Variants in NCAM1 observed in about 807,000 individuals in gnomAD.
NCAM1 encodes antigen recognized by monoclonal antibody 5.1H11.
Under a neutral mutation model 109.8 loss-of-function variants are expected in NCAM1, and 14 were observed. That is an observed-to-expected ratio of 0.13 (90% CI 0.08 to 0.20). The LOEUF (loss-of-function observed/expected upper bound fraction) is 0.20. Ranked by LOEUF, NCAM1 falls within the 10% of genes least tolerant of loss-of-function variation. The probability of loss-of-function intolerance (pLI) is 1.00; values close to 1 mark genes in which losing one functional copy is unlikely to be tolerated. For synonymous variants in NCAM1, 418 were observed against 442.9 expected, an observed-to-expected ratio of 0.94 and a Z score of 0.70; for missense variants, 774 against 1,109.9, an observed-to-expected ratio of 0.70 and a Z score of 4.30.
At chr11:113,266,270 C>T (rs782555944) in intron 17 of NCAM1, among the ~76,000 whole-genome samples, 2 of 152,194 alleles carry the variant, frequency 1.3e-5, no homozygotes, top group Admixed American at 1.3e-4. Flanking sequence ...ACCCTGCTGC[C>T]CATTTCACAG....
At chr11:113,186,115 C>G (rs1337020656) in intron 1 of NCAM1, among the ~76,000 whole-genome samples, 1 of 152,202 alleles carries the variant, frequency 6.6e-6, no homozygotes, top group Non-Finnish European at 1.5e-5. Context: ...ACAGTCCTTA[C>G]AAAGTTCAGT....
intron 1 of NCAM1, among the ~76,000 whole-genome samples, chr11:113,157,433 C>T (rs1168320758): frequency 6.6e-6 from 1 of 152,162 alleles, no homozygotes; most frequent in Non-Finnish European, 1.5e-5. Flanking sequence ...TCAATGCATT[C>T]TTCTGTCCTC....
At chr11:113,170,549 G>A (rs79128226) in intron 1 of NCAM1, among the ~76,000 whole-genome samples, 24 of 152,334 alleles carry the variant, frequency 1.6e-4, no homozygotes, top group Non-Finnish European at 3.2e-4. Context: ...AAAGGCTATG[G>A]AGAATTGTGT....
chr11:113,010,198 G>T (rs753572233), intron 1 of NCAM1, among the ~76,000 whole-genome samples: 4 of 152,132 alleles, frequency 2.6e-5, no homozygotes, highest in Non-Finnish European at 5.9e-5. Context: ...CATGTCTTTG[G>T]CTATGATATG....
chr11:113,069,055 G>T (rs1398521767), intron 1 of NCAM1, among the ~76,000 whole-genome samples: 1 of 152,110 alleles, frequency 6.6e-6, no homozygotes, highest in Admixed American at 6.6e-5. Context: ...TTTAATGATT[G>T]CCTCCTATGT....
At chr11:113,083,977 G>A (rs1455735298) in intron 1 of NCAM1, among the ~76,000 whole-genome samples, 5 of 152,156 alleles carry the variant, frequency 3.3e-5, no homozygotes, top group African/African-American at 9.7e-5. Context: ...AAGAAGCTGG[G>A]GAGGGAATAG....
intron 1 of NCAM1, chr11:113,040,962 G>A (rs1355630368): frequency 6.6e-6 from 1 of 151,846 alleles, no homozygotes; most frequent in Non-Finnish European, 1.5e-5. Flanking sequence ...TTATTATTCT[G>A]CCTAATGTTA....
intron 1 of NCAM1, among the ~76,000 whole-genome samples, chr11:113,026,816 C>T (rs769230159): frequency 4.6e-5 from 7 of 152,276 alleles, no homozygotes; most frequent in Non-Finnish European, 7.4e-5. Context: ...CTGAGCTGGA[C>T]GTTTTAATCT....
At chr11:113,075,311 C>A (rs556490716) in intron 1 of NCAM1, among the ~76,000 whole-genome samples, 2 of 152,178 alleles carry the variant, frequency 1.3e-5, no homozygotes, top group East Asian at 3.9e-4. Flanking sequence ...CTCAAGAGAT[C>A]CTCCCACCTT....
chr11:113,166,580 C>T (rs1296316466), intron 1 of NCAM1, among the ~76,000 whole-genome samples: 1 of 152,140 alleles, frequency 6.6e-6, no homozygotes, highest in African/African-American at 2.4e-5. Flanking sequence ...TGGCAAAGTA[C>T]AAGGAATAAT....
chr11:113,031,566 C>T (rs1952717760), intron 1 of NCAM1, among the ~76,000 whole-genome samples: 1 of 152,082 alleles, frequency 6.6e-6, no homozygotes, highest in Non-Finnish European at 1.5e-5. Flanking sequence ...GTGGCAGGCT[C>T]CTGTAATCCC....
At chr11:113,019,968 C>A (rs558348106) in intron 1 of NCAM1, among the ~76,000 whole-genome samples, 6 of 152,248 alleles carry the variant, frequency 3.9e-5, no homozygotes, top group African/African-American at 9.6e-5. Context: ...AATAACATAG[C>A]ATGGCATCTG....
At chr11:113,221,604 TAAATTGCCCCCAATTCCCAGGCC>T (rs2137097107) in intron 9 of NCAM1, 1 of 344,456 alleles carries the variant, frequency 2.9e-6, no homozygotes, top group African/African-American at 2.1e-5. Context: ...CCAATAGAAA[TAAATTGCCCCCAATTCCCAGGCC>T]AGGCATTTTG....
intron 1 of NCAM1, among the ~76,000 whole-genome samples, chr11:112,969,815 C>G (rs868966061): frequency 6.6e-6 from 1 of 152,172 alleles, no homozygotes; most frequent in African/African-American, 2.4e-5. Context: ...GGTTACTATA[C>G]TGACCCTTTC....
intron 1 of NCAM1, among the ~76,000 whole-genome samples, chr11:113,110,855 T>C (rs1940415648): frequency 6.6e-6 from 1 of 152,158 alleles, no homozygotes; most frequent in Admixed American, 6.5e-5. Context: ...GGTCCTTTCC[T>C]ATTGGGATAC....
chr11:113,200,543 C>G (rs1244499177), intron 1 of NCAM1, among the ~76,000 whole-genome samples: 1 of 152,168 alleles, frequency 6.6e-6, no homozygotes, highest in African/African-American at 2.4e-5. Flanking sequence ...ATCACCTACC[C>G]GGAGCCAGGA....
intron 2 of NCAM1, among the ~76,000 whole-genome samples, chr11:113,203,360 A>G (rs1944131828): frequency 1.3e-5 from 2 of 152,358 alleles, no homozygotes; most frequent in South Asian, 4.1e-4. Flanking sequence ...ACATCTTGCA[A>G]ATAGCGATAT....
intron 1 of NCAM1, among the ~76,000 whole-genome samples, chr11:113,005,247 C>G (rs1951864094): frequency 6.6e-6 from 1 of 152,076 alleles, no homozygotes; most frequent in Non-Finnish European, 1.5e-5. Flanking sequence ...AGGCTTTCCC[C>G]AAATTTCTGG....
intron 1 of NCAM1, among the ~76,000 whole-genome samples, chr11:112,987,318 G>A (rs1346236984): frequency 6.6e-6 from 1 of 152,030 alleles, no homozygotes; most frequent in East Asian, 1.9e-4. Context: ...CTAACATATG[G>A]TCTGTCCTGG....
Sources: gnomAD v4.1 joint callset for allele counts (sites outside exome capture counted in the v4.1 genomes callset) on GRCh38, gnomAD v4.1.1 for gene constraint, MANE v1.5 for transcripts, NCBI Gene and HGNC (gene_info 2026-07-23, HGNC 2026-07-21) for gene names.